CA5B: variants seen among roughly 807,000 people sequenced by gnomAD.
CA5B encodes carbonic anhydrase 5B, also known as carbonic anhydrase 5B, mitochondrial.
A neutral mutation model predicts 23.1 loss-of-function variants in CA5B; 15 were observed. The observed-to-expected ratio is 0.65, with a 90% CI of 0.43 to 1.00. The LOEUF is 1.00. Among genes scored for constraint, CA5B ranks in the 50% least tolerant of loss-of-function variants. The probability of loss-of-function intolerance (pLI) is 0.00; values close to 1 mark genes in which losing one functional copy is unlikely to be tolerated. For missense variants in CA5B, 236 were observed against 252.2 expected (o/e 0.94, Z 0.43); for synonymous variants, 84 against 98.5 (o/e 0.85, Z 0.87).
At chrX:15,777,154 A>G (rs1293708257) in intron 7 of CA5B, among the ~76,000 whole-genome samples, 1 of 111,971 alleles carries the variant, frequency 8.9e-6, no homozygotes, top group East Asian at 2.8e-4. Context: ...ATTAAACTCT[A>G]TACAAAATCA....
chrX:15,764,789 C>T lies in CA5B; in HGVS notation c.340+14C>T, dbSNP rs1183544788. 5 of 1,040,794 alleles carry T rather than the reference C, an allele frequency of 4.8e-6. No individual in the cohort carries two copies. Among genetic ancestry groups the T allele is most frequent in the East Asian group, 3.3e-5 (1 of 30,047 alleles). 85.8% of individuals were successfully genotyped at this position (1,040,794 alleles called of 1,213,427 possible). A position where few individuals can be genotyped will look rare whatever the true frequency, so the allele number is the denominator to read the frequency against. On this transcript the variant is annotated intron_variant, in intron 3 of 7. Transcript: ENST00000318636. ...CAGATAAATCAGGTGAGGGCAAGAT[C>T]TGGTGGTCTTGTAAGGAGTTAAAGA...
intron 1 of CA5B, among the ~76,000 whole-genome samples, chrX:15,743,011 A>G (rs1375019640): frequency 8.9e-6 from 1 of 112,415 alleles, no homozygotes; most frequent in African/African-American, 3.2e-5. Flanking sequence ...ACTTAGAGAA[A>G]GAACCCTTGC....
rs1424095807 is a variant in CA5B at position 15,780,397 on chromosome X, C to G, written c.775-2088C>G. ...AAGCAATTCTCCTGTCTCAGCCTCC[C>G]AAGTAGCTGGGATTACAGGCGCCCG... On this transcript the variant is annotated intron_variant, in intron 7 of 7. Transcript: ENST00000318636. Among the ~76,000 whole-genome samples the G allele has an allele frequency of 3.4e-4, 37 of 110,015 alleles. No homozygotes were observed. The Admixed American group carries it at 3.6e-3, about 11-fold the overall frequency.
intron 7 of CA5B, 66 bp from the exon 8 acceptor site, chrX:15,782,419 A>T: frequency 1.0e-6 from 1 of 987,543 alleles, no homozygotes; most frequent in African/African-American, 1.9e-5. Flanking sequence ...AAATGAAAGT[A>T]ATTTATTCAC....
chrX:15,751,265 G>A (rs753684535), intron 2 of CA5B, among the ~76,000 whole-genome samples: 6 of 112,426 alleles, frequency 5.3e-5, no homozygotes, highest in Non-Finnish European at 1.1e-4. Context: ...TAAAAAGACT[G>A]AGTAAGAATG....
Position 15,764,948 on chromosome X carries a change from C to T in CA5B, c.340+173C>T, listed in dbSNP as rs1018611101. 4 of 732,609 alleles carry T rather than the reference C, an allele frequency of 5.5e-6. No individual in the cohort carries two copies. The African/African-American group carries it at 6.5e-5, about 12-fold the overall frequency. The allele number at this position is 732,609 out of a possible 1,213,427, so 60.4% of individuals were successfully genotyped here. On this transcript the variant is annotated intron_variant, in intron 3 of 7. Transcript: ENST00000318636. ...AAAAAAATTCCTTCTAGTTTTTATG[C>T]ATATTTTCTTCAACTAGTATAGGTA...
At chrX:15,753,150 C>T (rs967770063) in intron 2 of CA5B, among the ~76,000 whole-genome samples, 1 of 112,182 alleles carries the variant, frequency 8.9e-6, no homozygotes, top group Non-Finnish European at 1.9e-5. Flanking sequence ...CTCCTGTGGG[C>T]TGTGTCACAG....
chrX:15,748,773 G>C lies in CA5B; in HGVS notation c.-53-1198G>C, dbSNP rs1290924769. 9.7e-5 allele frequency among the ~76,000 whole-genome samples: 10 copies of C among 103,349 alleles called. No homozygotes were observed. The Admixed American group carries it at 1.1e-3, about 11-fold the overall frequency. The allele number at this position is 103,349 out of a possible 115,157, so 89.7% of individuals were successfully genotyped here. ...AATAAAGTTAGCCAGGGATGGTCGG[G>C]CACAGTGGCTCACACCTGTAATCCC... On this transcript the variant is annotated intron_variant, in intron 1 of 7. Coordinates refer to ENST00000318636, the MANE Select transcript of CA5B (RefSeq NM_007220.4).
At chrX:15,750,270 T>A (rs12013305) in intron 2 of CA5B, 105 bp downstream of exon 2, 162 of 622,125 alleles carry the variant, frequency 2.6e-4, no homozygotes, top group Middle Eastern at 1.2e-3. Context: ...AGGGAGCAAG[T>A]GTGCAAGAGC....
chrX:15,742,301 T>A (rs770921170), intron 1 of CA5B, among the ~76,000 whole-genome samples: 1 of 112,988 alleles, frequency 8.9e-6, no homozygotes, highest in Non-Finnish European at 1.9e-5. Context: ...CCTGCTTCTT[T>A]CCTGTTCCTC....
intron 3 of CA5B, chrX:15,769,687 AACAC>A (rs750947819): frequency 1.1e-4 from 49 of 449,409 alleles, no homozygotes; most frequent in Non-Finnish European, 1.3e-4. Flanking sequence ...CACAGTTTAA[AACAC>A]ACACACACAC....
Position 15,773,385 on chromosome X carries a change from A to G in CA5B, c.459+771A>G, listed in dbSNP as rs190545885. ...TCCCACCTCAAGACAACAGGCGCAC[A>G]TCACCATGCCCTGCTAATTTTTTTT... On this transcript the variant is annotated intron_variant, in intron 4 of 7. Transcript: ENST00000318636. 3.8e-3 allele frequency among the ~76,000 whole-genome samples: 381 copies of G among 101,120 alleles called. 3 individuals are homozygous for G. Among genetic ancestry groups the G allele is most frequent in the African/African-American group, 0.013 (367 of 27,422 alleles). 87.8% of individuals were successfully genotyped at this position (101,120 alleles called of 115,157 possible). A position where few individuals can be genotyped will look rare whatever the true frequency, so the allele number is the denominator to read the frequency against.
chrX:15,773,613 G>T (rs776098862), intron 4 of CA5B, among the ~76,000 whole-genome samples: 1 of 110,022 alleles, frequency 9.1e-6, no homozygotes, highest in South Asian at 3.9e-4. Context: ...GTTTCACCGT[G>T]TTAGCCAGGA....
At chrX:15,739,542 T>A (rs1279258635) in intron 1 of CA5B, among the ~76,000 whole-genome samples, 1 of 110,646 alleles carries the variant, frequency 9.0e-6, no homozygotes, top group Non-Finnish European at 1.9e-5. Flanking sequence ...TGTACACACC[T>A]GCCCTCTTCT....
intron 1 of CA5B, among the ~76,000 whole-genome samples, chrX:15,749,571 G>A (rs984734781): frequency 1.8e-5 from 2 of 111,148 alleles, no homozygotes; most frequent in African/African-American, 6.6e-5. Flanking sequence ...TCAGCCTGGA[G>A]GGAGCTTTAA....
intron 2 of CA5B, among the ~76,000 whole-genome samples, chrX:15,755,125 G>A (rs1931461741): frequency 1.8e-5 from 2 of 112,111 alleles, no homozygotes; most frequent in Admixed American, 1.9e-4. Flanking sequence ...TTTTCACAAA[G>A]AATTCTGAAA....
At chrX:15,779,284 C>T (rs1313799033) in intron 7 of CA5B, among the ~76,000 whole-genome samples, 2 of 111,599 alleles carry the variant, frequency 1.8e-5, no homozygotes, top group African/African-American at 6.5e-5. Flanking sequence ...CCTTCCTCTG[C>T]CTTTTTGTTC....
At chrX:15,768,410 A>G (rs753456417) in intron 3 of CA5B, among the ~76,000 whole-genome samples, 5 of 111,967 alleles carry the variant, frequency 4.5e-5, no homozygotes, top group African/African-American at 1.3e-4. Context: ...TACAAACCCA[A>G]CTGACTAAAT....
At position 15,766,533 on chromosome X, in the gene CA5B, CT is replaced by C. The variant is rs779632880; in HGVS notation, c.340+1765del. Reference sequence around the variant, plus strand: ...TTCATGGGCATCTTTCTTTTCCCCCCTTTTTTTGCGTTGTTATTTATTTAAA... The same window carrying C: ...TTCATGGGCATCTTTCTTTTCCCCCCTTTTTTGCGTTGTTATTTATTTAAA... On this transcript the variant is annotated intron_variant, in intron 3 of 7. Transcript: ENST00000318636. 5.4e-5 allele frequency among the ~76,000 whole-genome samples: 6 copies of C among 111,752 alleles called. No homozygotes were observed. In the South Asian group the frequency reaches 2.2e-3, roughly 42 times the overall value.
Sources: allele counts gnomAD v4.1 joint callset (sites outside exome capture counted in the v4.1 genomes callset), GRCh38; gene constraint gnomAD v4.1.1; transcripts MANE v1.5; gene names NCBI Gene and HGNC (gene_info 2026-07-23, HGNC 2026-07-21).